Variants in FFAR1 observed in about 807,000 individuals in gnomAD.
FFAR1 encodes G-protein coupled receptor 40.
For missense variants in FFAR1, 424 were observed against 396.2 expected (o/e 1.07, Z -0.60); for synonymous variants, 216 against 201.5 (o/e 1.07, Z -0.61).
chr19:35,348,704 A>C (rs1203667200), upstream of FFAR1, among the ~76,000 whole-genome samples: 1 of 152,228 alleles, frequency 6.6e-6, no homozygotes, highest in Non-Finnish European at 1.5e-5. Context: ...TTCATTCTGC[A>C]CACAGATACT....
At chr19:35,352,653 G>C in exon 1 of FFAR1, 1 of 620,810 alleles carries the variant, frequency 1.6e-6, no homozygotes, top group South Asian at 2.0e-5. Context: ...GGTGGCAGGG[G>C]GAGGTAAGTT....
chr19:35,352,067 G>A (rs371778392), exon 1 of FFAR1: 9 of 1,613,382 alleles, frequency 5.6e-6, no homozygotes, highest in Non-Finnish European at 6.8e-6. Context: ...TCTGCCTGGA[G>A]GCCTGGGACC....
At chr19:35,348,325 G>A (rs1462815444), upstream of FFAR1, among the ~76,000 whole-genome samples, 8 of 152,240 alleles carry the variant, frequency 5.3e-5, no homozygotes, top group African/African-American at 9.6e-5. Flanking sequence ...AAGCCCAGGC[G>A]TGGTGGATCA....
exon 1 of FFAR1, chr19:35,352,577 C>T: frequency 9.2e-7 from 1 of 1,091,820 alleles, no homozygotes. Flanking sequence ...TGGAGCCACT[C>T]AAGCAGAGAG....
exon 1 of FFAR1, chr19:35,351,819 C>T (rs1178001057): frequency 1.2e-6 from 2 of 1,609,196 alleles, no homozygotes; most frequent in Non-Finnish European, 1.7e-6. Context: ...CTTCTTCCCA[C>T]TCTATGCCGG....
upstream of FFAR1, among the ~76,000 whole-genome samples, chr19:35,351,004 C>T (rs1465959559): frequency 6.6e-6 from 1 of 152,154 alleles, no homozygotes; most frequent in South Asian, 2.1e-4. Context: ...TGTCCCTGGC[C>T]ACACCCTCAC....
upstream of FFAR1, among the ~76,000 whole-genome samples, chr19:35,350,715 A>C (rs943681145): frequency 2.0e-5 from 3 of 151,998 alleles, no homozygotes; most frequent in Non-Finnish European, 2.9e-5. Flanking sequence ...AGCTGCTAGA[A>C]CCTCAGGCTA....
At chr19:35,351,446 G>A (rs1367232269), upstream of FFAR1, 1 of 994,782 alleles carries the variant, frequency 1.0e-6, no homozygotes, top group Admixed American at 2.1e-5. Context: ...ACACAGGGCT[G>A]GAACCCGCGA....
chr19:35,351,255 C>T (rs542531070), upstream of FFAR1, among the ~76,000 whole-genome samples: 2 of 152,302 alleles, frequency 1.3e-5, no homozygotes, highest in Admixed American at 6.5e-5. Flanking sequence ...GCGCCACATC[C>T]TATCTCCTGT....
At chr19:35,348,522 C>T (rs189412186), upstream of FFAR1, among the ~76,000 whole-genome samples, 231 of 152,306 alleles carry the variant, frequency 1.5e-3, 1 homozygote, top group African/African-American at 5.3e-3. Context: ...TCGCTTGAAC[C>T]TGGGAGGCGG....
chr19:35,349,280 G>A (rs1222144697), upstream of FFAR1, among the ~76,000 whole-genome samples: 1 of 152,212 alleles, frequency 6.6e-6, no homozygotes, highest in African/African-American at 2.4e-5. Context: ...GATGAGTGTG[G>A]CTGAGGCACC....
At chr19:35,352,597 C>A in exon 1 of FFAR1, 2 of 847,430 alleles carry the variant, frequency 2.4e-6, no homozygotes, top group Non-Finnish European at 1.8e-6. Context: ...GCGGCGCCTG[C>A]TGAGGGCAGC....
At chr19:35,352,742 C>T (rs1432260367) in exon 1 of FFAR1, 2 of 491,404 alleles carry the variant, frequency 4.1e-6, no homozygotes, top group Non-Finnish European at 3.7e-6. Context: ...ACCTGCCTGT[C>T]TTCCGTGGGC....
chr19:35,352,264 G>A (rs1208882685), exon 1 of FFAR1: 5 of 1,553,812 alleles, frequency 3.2e-6, no homozygotes, highest in Non-Finnish European at 4.3e-6. Context: ...CTCTGCGTAG[G>A]ACCCTACAAC....
rs565230580 is a variant in FFAR1, at chr19:35,353,269, C to A, written c.*815C>A. ...GCCGAGGCGGGAAGACTGCTCGAAG[C>A]CAGGAGTTCAAGAGCAGCCTGGGCA... On this transcript the variant is annotated 3_prime_UTR_variant, in exon 1 of 1. Transcript: ENST00000246553. 3 of 152,246 alleles carry A rather than the reference C, an allele frequency of 2.0e-5. No individual in the cohort carries two copies. In the East Asian group the frequency reaches 5.8e-4, roughly 29 times the overall value. 9.4% of individuals were successfully genotyped at this position (152,246 alleles called of 1,614,324 possible). A position where few individuals can be genotyped will look rare whatever the true frequency, so the allele number is the denominator to read the frequency against.
chr19:35,352,436 G>T (rs748492841), exon 1 of FFAR1: 1 of 1,554,058 alleles, frequency 6.4e-7, no homozygotes, highest in East Asian at 2.4e-5. Flanking sequence ...GAACGCAAGG[G>T]GGCAAGTCCC....
At chr19:35,351,948 C>T (rs2066946847) in exon 1 of FFAR1, 2 of 1,614,174 alleles carry the variant, frequency 1.2e-6, no homozygotes, top group Non-Finnish European at 1.7e-6. Context: ...CATCTGGGCC[C>T]TCGTCCTGTG....
At chr19:35,351,817 C>A in exon 1 of FFAR1, 1 of 1,608,394 alleles carries the variant, frequency 6.2e-7, no homozygotes. Flanking sequence ...CACTTCTTCC[C>A]ACTCTATGCC....
In FFAR1 at chr19:35,351,582, C is replaced by G. The variant is rs375966117; in HGVS notation, c.31C>G (p.Leu11Val). 71 of 1,541,122 alleles carry G rather than the reference C, an allele frequency of 4.6e-5. No individual in the cohort carries two copies. In the African/African-American group the frequency reaches 7.8e-4, roughly 17 times the overall value. ...CCTGCCCCCGCAGCTCTCCTTCGGC[C>G]TCTATGTGGCCGCCTTTGCGCTGGG... The change falls in exon 1 of 1, where the codon CTC (leucine) becomes GTC (valine). Residue 11 changes from leucine to valine, a missense_variant. Coordinates refer to ENST00000246553, the Ensembl canonical transcript of FFAR1.
Sources: allele counts gnomAD v4.1 joint callset (sites outside exome capture counted in the v4.1 genomes callset), GRCh38; gene constraint gnomAD v4.1.1; transcripts MANE v1.5; gene names NCBI Gene and HGNC (gene_info 2026-07-23, HGNC 2026-07-21).